The following FUT9 variants were observed in gnomAD, a reference collection of about 807,000 sequenced individuals.
FUT9 encodes fucosyltransferase 9, also known as 4-galactosyl-N-acetylglucosaminide 3-alpha-L-fucosyltransferase 9.
FUT9 carries 15 observed loss-of-function variants against 29.7 expected under a neutral mutation model. That is an observed-to-expected ratio of 0.51 (90% CI 0.34 to 0.78). FUT9 has a LOEUF of 0.78. Among genes scored for constraint, FUT9 ranks in the 30% least tolerant of loss-of-function variants. The pLI is 0.01. For synonymous variants in FUT9, 169 were observed against 153.7 expected (o/e 1.10, Z -0.74); for missense variants, 319 against 425.4 (o/e 0.75, Z 2.20).
chr6:96,164,420 G>A (rs1482877237), intron 2 of FUT9, among the ~76,000 whole-genome samples: 13 of 151,982 alleles, frequency 8.6e-5, no homozygotes, highest in Non-Finnish European at 1.6e-4. Flanking sequence ...CACCGCTCCC[G>A]GCTAATTTTT....
chr6:96,177,321 C>G (rs1384377752), intron 2 of FUT9, among the ~76,000 whole-genome samples: 1 of 151,932 alleles, frequency 6.6e-6, no homozygotes, highest in Non-Finnish European at 1.5e-5. Flanking sequence ...AAATAGATGA[C>G]AAGCCAGCTA....
At position 96,190,690 on chromosome 6, in the gene FUT9, T is replaced by C. The variant is rs189740691; in HGVS notation, c.-8-12458T>C. On this transcript the variant is annotated intron_variant, in intron 2 of 2. Transcript: ENST00000302103. ...AATCACTGGTACCCTTTCTTCCAGTTGATCAAATCAGCTACTGAAGCTTGT... is the reference window on the plus strand; with the variant it reads ...AATCACTGGTACCCTTTCTTCCAGTCGATCAAATCAGCTACTGAAGCTTGT... Among the ~76,000 whole-genome samples, 366 of 152,372 alleles carry C rather than the reference T, an allele frequency of 2.4e-3. 1 individual carries two copies. The highest frequency in any genetic ancestry group is 4.0e-3 in the Non-Finnish European group (270 of 68,038).
At chr6:96,164,007 G>T (rs1772963565) in intron 2 of FUT9, among the ~76,000 whole-genome samples, 1 of 152,130 alleles carries the variant, frequency 6.6e-6, no homozygotes, top group Admixed American at 6.5e-5. Flanking sequence ...AGGTGGTCAA[G>T]CTACAGTTTG....
At chr6:96,081,164 G>A (rs2127950810) in intron 1 of FUT9, among the ~76,000 whole-genome samples, 1 of 151,730 alleles carries the variant, frequency 6.6e-6, no homozygotes, top group African/African-American at 2.4e-5. Context: ...TAAAGTTTAA[G>A]GAATATTTTT....
intron 1 of FUT9, among the ~76,000 whole-genome samples, chr6:96,017,893 T>C (rs575556727): frequency 6.6e-6 from 1 of 152,172 alleles, no homozygotes; most frequent in Non-Finnish European, 1.5e-5. Context: ...AGTTGAGCCA[T>C]CATCTAGGGA....
chr6:96,108,056 G>A (rs1160818519), intron 1 of FUT9, among the ~76,000 whole-genome samples: 1 of 150,080 alleles, frequency 6.7e-6, no homozygotes, highest in Non-Finnish European at 1.5e-5. Context: ...ATCTAGCTCA[G>A]AATTTGTTCC....
At position 96,215,008 on chromosome 6, in the gene FUT9, A is replaced by C. The variant is rs527585147; in HGVS notation, c.*10773A>C. 1.8e-4 allele frequency: 30 copies of C among 167,124 alleles called. No individual in the cohort carries two copies. The highest frequency in any genetic ancestry group is 6.7e-4 in the African/African-American group (28 of 41,566). 10.4% of individuals were successfully genotyped at this position (167,124 alleles called of 1,614,324 possible). ...CAAATGAGGAGTAGTCAGTCCTAGC[A>C]CTGTAGACGCCGACTTTACCAACCA... On this transcript the variant is annotated 3_prime_UTR_variant, in exon 3 of 3. Transcript: ENST00000302103.
Position 96,087,328 on chromosome 6 carries a change from A to C in FUT9, c.-97-26711A>C, listed in dbSNP as rs187947362. Among the ~76,000 whole-genome samples the C allele has an allele frequency of 8.6e-5, 13 of 151,476 alleles. No homozygotes were observed. In the East Asian group the frequency reaches 2.3e-3, roughly 27 times the overall value. ...ATAGCACTCTACATATGTCATGCAA[A>C]CACTGCAACAGTAGGTTTATATTTT... is the stretch of plus-strand genomic sequence containing the variant. On this transcript the variant is annotated intron_variant, in intron 1 of 2. Transcript: ENST00000302103.
chr6:96,106,320 A>G (rs1284420005), intron 1 of FUT9, among the ~76,000 whole-genome samples: 3 of 151,852 alleles, frequency 2.0e-5, no homozygotes, highest in Admixed American at 6.6e-5. Flanking sequence ...GCAACAGCAT[A>G]TCAAAACCCT....
chr6:96,031,182 G>A (rs1029251392), intron 1 of FUT9, among the ~76,000 whole-genome samples: 3 of 151,592 alleles, frequency 2.0e-5, no homozygotes, highest in Non-Finnish European at 3.0e-5. Flanking sequence ...ACAGTGCCTA[G>A]AGATGGTTAT....
intron 1 of FUT9, among the ~76,000 whole-genome samples, chr6:96,024,073 C>T (rs1770120385): frequency 6.6e-6 from 1 of 151,836 alleles, no homozygotes; most frequent in African/African-American, 2.4e-5. Context: ...CCAAAGGGCT[C>T]CATTCATGAG....
At chr6:96,114,617 TTACTA>T (rs1271063894) in intron 2 of FUT9, among the ~76,000 whole-genome samples, 1 of 150,894 alleles carries the variant, frequency 6.6e-6, no homozygotes, top group East Asian at 1.9e-4. Context: ...AAGAATATAT[TTACTA>T]TATATATTCA....
chr6:96,127,207 GC>G (rs1772149807), intron 2 of FUT9, among the ~76,000 whole-genome samples: 1 of 152,006 alleles, frequency 6.6e-6, no homozygotes, highest in African/African-American at 2.4e-5. Flanking sequence ...CCTCAAGTAG[GC>G]CCCAGTGGCT....
intron 2 of FUT9, among the ~76,000 whole-genome samples, chr6:96,192,278 T>C (rs1773525679): frequency 1.3e-5 from 2 of 152,180 alleles, no homozygotes; most frequent in East Asian, 1.9e-4. Context: ...TGTTTGCAGA[T>C]GACATGATTG....
intron 1 of FUT9, among the ~76,000 whole-genome samples, chr6:96,095,825 C>A (rs565509757): frequency 7.9e-5 from 12 of 152,214 alleles, no homozygotes; most frequent in Non-Finnish European, 1.2e-4. Flanking sequence ...GATGTGTAAC[C>A]ATGGGCTAGC....
intron 2 of FUT9, among the ~76,000 whole-genome samples, chr6:96,197,911 G>A (rs894982305): frequency 2.0e-5 from 3 of 152,068 alleles, no homozygotes; most frequent in African/African-American, 7.2e-5. Flanking sequence ...TTAAAATAAG[G>A]ATTCAATACC....
intron 1 of FUT9, among the ~76,000 whole-genome samples, chr6:96,031,615 A>G (rs1377274820): frequency 6.6e-6 from 1 of 151,524 alleles, no homozygotes; most frequent in Non-Finnish European, 1.5e-5. Context: ...CAATAGAGCA[A>G]CAGAATATTT....
chr6:96,119,449 A>G (rs773998888), intron 2 of FUT9, among the ~76,000 whole-genome samples: 1 of 152,220 alleles, frequency 6.6e-6, no homozygotes, highest in Non-Finnish European at 1.5e-5. Context: ...TTGCACAACA[A>G]TGAAATCACC....
At chr6:96,141,685 C>G (rs1054594814) in intron 2 of FUT9, among the ~76,000 whole-genome samples, 1 of 152,094 alleles carries the variant, frequency 6.6e-6, no homozygotes, top group Non-Finnish European at 1.5e-5. Context: ...TAACTCACTT[C>G]AAAATTTTAA....
Sources: gnomAD v4.1 joint callset for allele counts (sites outside exome capture counted in the v4.1 genomes callset) on GRCh38, gnomAD v4.1.1 for gene constraint, MANE v1.5 for transcripts, NCBI Gene and HGNC (gene_info 2026-07-23, HGNC 2026-07-21) for gene names.